The following CNTN4 variants were observed in gnomAD, a reference collection of about 807,000 sequenced individuals.
The protein encoded by CNTN4 is contactin-4.
A neutral mutation model predicts 122.5 loss-of-function variants in CNTN4; 77 were observed. That is an observed-to-expected ratio of 0.63 (90% CI 0.52 to 0.76). The LOEUF (loss-of-function observed/expected upper bound fraction) is 0.76. Ranked by LOEUF, CNTN4 falls within the 30% of genes least tolerant of loss-of-function variation. CNTN4 has a pLI of 0.00. For synonymous variants in CNTN4, 512 were observed against 447.0 expected (o/e 1.15, Z -1.83); for missense variants, 1,256 against 1,259.1 (o/e 1.00, Z 0.04).
chr3:2,335,678 G>T (rs1212534537), intron 2 of CNTN4, among the ~76,000 whole-genome samples: 1 of 151,562 alleles, frequency 6.6e-6, no homozygotes, highest in African/African-American at 2.4e-5. Context: ...ACCTAAGATG[G>T]GAAGTTTTAA....
At chr3:2,296,981 A>G (rs944376522) in intron 2 of CNTN4, among the ~76,000 whole-genome samples, 9 of 152,170 alleles carry the variant, frequency 5.9e-5, no homozygotes, top group Non-Finnish European at 1.2e-4. Context: ...GTCTGGATAG[A>G]GGAATGGAAA....
At chr3:2,624,627 CT>C (rs1175851279) in intron 4 of CNTN4, among the ~76,000 whole-genome samples, 2,960 of 89,908 alleles carry the variant, frequency 0.033, 34 homozygotes, top group African/African-American at 0.081. Flanking sequence ...ATTTCTGATT[CT>C]TTTTTTTTTT....
At chr3:2,774,247 C>T (rs1254286865) in intron 6 of CNTN4, among the ~76,000 whole-genome samples, 4 of 151,746 alleles carry the variant, frequency 2.6e-5, no homozygotes, top group East Asian at 1.9e-4. Flanking sequence ...AGTGACAGAG[C>T]GAGACTCCAT....
intron 5 of CNTN4, among the ~76,000 whole-genome samples, chr3:2,738,794 T>G (rs986066913): frequency 2.0e-5 from 3 of 152,108 alleles, no homozygotes; most frequent in Non-Finnish European, 4.4e-5. Flanking sequence ...ATGGGAAATT[T>G]GCAATACTTT....
At position 2,120,374 on chromosome 3, in the gene CNTN4, A is replaced by AATAT. The variant is rs1185851358; in HGVS notation, c.-145+19764_-145+19767dup. On this transcript the variant is annotated intron_variant, in intron 2 of 24. Transcript: ENST00000418658. ...GGTTATATATATATATATATATATA[A>AATAT]ATATATATATATATATATATATATA... Among the ~76,000 whole-genome samples, 379 of 58,788 alleles carry AATAT rather than the reference A, an allele frequency of 6.4e-3. 6 individuals are homozygous for AATAT. The highest frequency in any genetic ancestry group is 1.0e-2 in the African/African-American group (138 of 13,834). The allele number at this position is 58,788 out of a possible 152,430, so 38.6% of individuals were successfully genotyped here. A position where few individuals can be genotyped will look rare whatever the true frequency, so the allele number is the denominator to read the frequency against.
intron 3 of CNTN4, among the ~76,000 whole-genome samples, chr3:2,383,600 C>T (rs543101988): frequency 6.6e-6 from 1 of 151,920 alleles, no homozygotes; most frequent in East Asian, 1.9e-4. Context: ...TTTTCTCTCT[C>T]TCTCCTTCTG....
chr3:2,318,254 A>G (rs2043177167), intron 2 of CNTN4, among the ~76,000 whole-genome samples: 1 of 151,692 alleles, frequency 6.6e-6, no homozygotes, highest in South Asian at 2.1e-4. Flanking sequence ...GTATATTGAT[A>G]TGTAATCATG....
intron 3 of CNTN4, among the ~76,000 whole-genome samples, chr3:2,460,403 G>C (rs1364019232): frequency 2.0e-5 from 3 of 152,088 alleles, no homozygotes; most frequent in Non-Finnish European, 4.4e-5. Context: ...ATTAATCTCA[G>C]GGTCAATTCA....
intron 13 of CNTN4, among the ~76,000 whole-genome samples, chr3:2,937,246 G>T (rs1196489829): frequency 6.6e-6 from 1 of 152,108 alleles, no homozygotes; most frequent in Non-Finnish European, 1.5e-5. Context: ...TTTGGTGGGA[G>T]GTCCGAATTA....
At chr3:2,421,840 C>G (rs945433654) in intron 3 of CNTN4, among the ~76,000 whole-genome samples, 11 of 152,124 alleles carry the variant, frequency 7.2e-5, no homozygotes, top group African/African-American at 2.2e-4. Context: ...CAATGCTATT[C>G]TCATTCTACT....
At chr3:2,692,045 T>C (rs906910625) in intron 4 of CNTN4, among the ~76,000 whole-genome samples, 4 of 152,132 alleles carry the variant, frequency 2.6e-5, no homozygotes, top group Non-Finnish European at 4.4e-5. Context: ...GGCAGCAGTA[T>C]GCAATCCACT....
rs572060569 is a variant in CNTN4 at position 2,385,228 on chromosome 3, A to G, written c.-89+45995A>G. The stretch of plus-strand genomic sequence containing the variant: ...TAATCTGTCTACTACTCAACTTTCT[A>G]CTCAGTTTTTTATTTTTTATTTTTA... On this transcript the variant is annotated intron_variant, in intron 3 of 24. Transcript: ENST00000418658. This position sits in a 1 kb window ranked among gnomAD's most constrained non-coding sequence, Gnocchi z 4.0. 2.7e-4 allele frequency among the ~76,000 whole-genome samples: 41 copies of G among 151,578 alleles called. No homozygotes were observed. Among genetic ancestry groups the G allele is most frequent in the Non-Finnish European group, 1.5e-5 (1 of 67,852 alleles).
At chr3:2,757,174 T>A (rs926709423) in intron 6 of CNTN4, among the ~76,000 whole-genome samples, 1 of 152,200 alleles carries the variant, frequency 6.6e-6, no homozygotes, top group Non-Finnish European at 1.5e-5. Flanking sequence ...AACAGAGTTT[T>A]GAACTTTATA....
At chr3:3,044,787 A>C (rs1000396077) in intron 23 of CNTN4, among the ~76,000 whole-genome samples, 2 of 152,188 alleles carry the variant, frequency 1.3e-5, no homozygotes, top group Admixed American at 6.5e-5. Context: ...AAGTGCACCG[A>C]GCATAAGCTG....
chr3:2,290,411 C>T (rs556899389), intron 2 of CNTN4, among the ~76,000 whole-genome samples: 1 of 152,268 alleles, frequency 6.6e-6, no homozygotes, highest in South Asian at 2.1e-4. Context: ...CATATCTTTA[C>T]ATTTATACGT....
intron 6 of CNTN4, among the ~76,000 whole-genome samples, chr3:2,750,850 T>G (rs978274048): frequency 1.3e-5 from 2 of 152,200 alleles, no homozygotes; most frequent in African/African-American, 4.8e-5. Flanking sequence ...GCATAAGGAA[T>G]GAGTTGAACC....
At chr3:2,322,838 A>G (rs2043316747) in intron 2 of CNTN4, among the ~76,000 whole-genome samples, 5 of 152,142 alleles carry the variant, frequency 3.3e-5, no homozygotes, top group Admixed American at 3.3e-4. Flanking sequence ...TTAATATTCT[A>G]AGATCTTTAA....
intron 7 of CNTN4, among the ~76,000 whole-genome samples, chr3:2,827,758 G>A (rs959156566): frequency 1.3e-5 from 2 of 152,138 alleles, no homozygotes; most frequent in African/African-American, 4.8e-5. Flanking sequence ...TATTTAGCGT[G>A]TACAGTATGT....
intron 3 of CNTN4, among the ~76,000 whole-genome samples, chr3:2,516,503 A>T (rs2077043153): frequency 6.6e-6 from 1 of 152,070 alleles, no homozygotes; most frequent in African/African-American, 2.4e-5. Context: ...GTTCAATTCA[A>T]TATTACTTAG....
Sources: allele counts gnomAD v4.1 joint callset (sites outside exome capture counted in the v4.1 genomes callset), GRCh38; gene constraint gnomAD v4.1.1; non-coding constraint Gnocchi (gnomAD v3.1); transcripts MANE v1.5; gene names NCBI Gene and HGNC (gene_info 2026-07-23, HGNC 2026-07-21).